Variants in RAD51B observed in about 807,000 individuals in gnomAD.
The protein encoded by RAD51B is RAD51 paralog B, also known as DNA repair protein RAD51 homolog 2.
RAD51B carries 38 observed loss-of-function variants against 42.2 expected under a neutral mutation model. The ratio of observed to expected loss-of-function variants is 0.90; its 90% CI spans 0.70 to 1.18. The LOEUF is 1.18. RAD51B is among the 50% of genes most tolerant of loss of function. The pLI is 0.00. For synonymous variants in RAD51B, 154 were observed against 145.2 expected, an observed-to-expected ratio of 1.06 and a Z score of -0.43; for missense variants, 373 against 400.7, an observed-to-expected ratio of 0.93 and a Z score of 0.59.
At chr14:68,410,882 A>G (rs979477865) in intron 8 of RAD51B, among the ~76,000 whole-genome samples, 1 of 152,120 alleles carries the variant, frequency 6.6e-6, no homozygotes, top group African/African-American at 2.4e-5. Flanking sequence ...GGGATGTCTA[A>G]AACAGCTTAC....
chr14:68,331,249 C>T (rs937501192), intron 8 of RAD51B, among the ~76,000 whole-genome samples: 2 of 151,110 alleles, frequency 1.3e-5, no homozygotes, highest in African/African-American at 4.9e-5. Context: ...ATAATCCTAG[C>T]TACTCGGGAG....
chr14:68,328,464 C>T (rs1442952173), intron 8 of RAD51B, among the ~76,000 whole-genome samples: 1 of 152,176 alleles, frequency 6.6e-6, no homozygotes, highest in Admixed American at 6.5e-5. Context: ...TGATTCCATA[C>T]TCCATATAAT....
chr14:68,485,123 A>G (rs1883522401), intron 10 of RAD51B, among the ~76,000 whole-genome samples: 1 of 152,158 alleles, frequency 6.6e-6, no homozygotes, highest in African/African-American at 2.4e-5. Flanking sequence ...AGCTTTTCCT[A>G]GAGGGGCTGT....
intron 7 of RAD51B, among the ~76,000 whole-genome samples, chr14:68,013,490 G>C (rs771943773): frequency 1.8e-4 from 27 of 152,260 alleles, no homozygotes; most frequent in Non-Finnish European, 3.5e-4. Context: ...AATATGATCT[G>C]CCACAATGAT....
intron 5 of RAD51B, among the ~76,000 whole-genome samples, chr14:67,875,618 A>G (rs1317884062): frequency 6.6e-6 from 1 of 152,220 alleles, no homozygotes; most frequent in Non-Finnish European, 1.5e-5. Flanking sequence ...AGGCTATACC[A>G]TATAGCCTCA....
chr14:68,521,049 C>T (rs895758454), intron 10 of RAD51B, among the ~76,000 whole-genome samples: 3 of 152,118 alleles, frequency 2.0e-5, no homozygotes, highest in Admixed American at 2.0e-4. Context: ...AAGTAGGCAA[C>T]TGAATATCCA....
At chr14:68,676,130 T>G (rs1566970281) in intron 11 of RAD51B, among the ~76,000 whole-genome samples, 1 of 152,236 alleles carries the variant, frequency 6.6e-6, no homozygotes, top group African/African-American at 2.4e-5. Flanking sequence ...GCTCATACAC[T>G]TGTGTTAACT....
chr14:67,967,371 A>G (rs977682050), intron 7 of RAD51B, among the ~76,000 whole-genome samples: 12 of 152,154 alleles, frequency 7.9e-5, no homozygotes, highest in Admixed American at 7.9e-4. Context: ...TTATAGTCCC[A>G]CAAAGTCTTA....
chr14:67,896,797 T>G (rs1193479795), intron 7 of RAD51B, among the ~76,000 whole-genome samples: 6 of 152,202 alleles, frequency 3.9e-5, no homozygotes, highest in African/African-American at 1.4e-4. Flanking sequence ...ACAGTACAGT[T>G]AATACAGTTA....
At chr14:68,468,084 C>G in intron 9 of RAD51B, 88 bp from the exon 10 acceptor site, 1 of 1,134,738 alleles carries the variant, frequency 8.8e-7, no homozygotes, top group South Asian at 1.2e-5. Context: ...TCCTATGTTA[C>G]CACTTTGTCT....
chr14:68,168,492 G>A (rs1401819014), intron 7 of RAD51B, among the ~76,000 whole-genome samples: 1 of 152,108 alleles, frequency 6.6e-6, no homozygotes, highest in Non-Finnish European at 1.5e-5. Flanking sequence ...AATGTAGCAT[G>A]ATTACACAAG....
At chr14:68,431,277 G>A (rs2084996918) in intron 9 of RAD51B, among the ~76,000 whole-genome samples, 2 of 152,184 alleles carry the variant, frequency 1.3e-5, no homozygotes, top group South Asian at 4.1e-4. Context: ...AAATGAGTTA[G>A]GGAGGATTCC....
At chr14:68,421,638 G>A in intron 9 of RAD51B, 1 of 1,338,574 alleles carries the variant, frequency 7.5e-7, no homozygotes, top group Non-Finnish European at 1.1e-6. Context: ...GGGGTGGAGG[G>A]GTGCTCTCCT....
chr14:68,502,286 AC>A (rs1476265685), intron 10 of RAD51B, among the ~76,000 whole-genome samples: 1 of 152,182 alleles, frequency 6.6e-6, no homozygotes, highest in Non-Finnish European at 1.5e-5. Flanking sequence ...AGAACTTTCC[AC>A]CTGAGAGACG....
chr14:67,836,365 G>T (rs7145385), intron 4 of RAD51B, among the ~76,000 whole-genome samples: 5,526 of 152,242 alleles, frequency 0.036, 298 homozygotes, highest in African/African-American at 0.12. Flanking sequence ...AAGGCAAGAT[G>T]GAAGTGGTGA....
chr14:68,588,755 A>G (rs1348656815), intron 10 of RAD51B, among the ~76,000 whole-genome samples: 1 of 152,160 alleles, frequency 6.6e-6, no homozygotes, highest in Non-Finnish European at 1.5e-5. Flanking sequence ...TTCTCTTGTC[A>G]TGGGGATTGG....
At chr14:68,077,975 T>C (rs1401788419) in intron 7 of RAD51B, among the ~76,000 whole-genome samples, 2 of 152,030 alleles carry the variant, frequency 1.3e-5, no homozygotes, top group Non-Finnish European at 2.9e-5. Flanking sequence ...AAATAAAAAA[T>C]GTGTGCTTGT....
At chr14:68,002,898 T>C (rs1173859214) in intron 7 of RAD51B, among the ~76,000 whole-genome samples, 1 of 152,156 alleles carries the variant, frequency 6.6e-6, no homozygotes, top group East Asian at 1.9e-4. Context: ...TGTCTGTTCT[T>C]GTACCAGTAC....
At position 68,648,124 on chromosome 14, in the gene RAD51B, T is replaced by TATATATAC. The variant is rs1566963600; in HGVS notation, c.1037-2656_1037-2655insTATATACA. ...ATATATACACACACGTATATATATA[T>TATATATAC]ACACACACGTATATATATATATACA... is the stretch of plus-strand genomic sequence containing the variant. On this transcript the variant is annotated intron_variant, in intron 10 of 11. Transcript: ENST00000488612. Among the ~76,000 whole-genome samples, 32 of 64,392 alleles carry TATATATAC rather than the reference T, an allele frequency of 5.0e-4. 3 individuals are homozygous for TATATATAC. The highest frequency in any genetic ancestry group is 1.2e-3 in the South Asian group (2 of 1,686). 42.2% of individuals were successfully genotyped at this position (64,392 alleles called of 152,430 possible).
Sources: gnomAD v4.1 joint callset for allele counts (sites outside exome capture counted in the v4.1 genomes callset) on GRCh38, gnomAD v4.1.1 for gene constraint, MANE v1.5 for transcripts, NCBI Gene and HGNC (gene_info 2026-07-23, HGNC 2026-07-21) for gene names.